The following ZFPM2 variants were observed in gnomAD, a reference collection of about 807,000 sequenced individuals.
ZFPM2 encodes the protein zinc finger protein, FOG family member 2, also known as zinc finger protein ZFPM2.
A neutral mutation model predicts 98.6 loss-of-function variants in ZFPM2; 20 were observed. The observed-to-expected ratio is 0.20, with a 90% CI of 0.14 to 0.29. The LOEUF (loss-of-function observed/expected upper bound fraction) is 0.29, where lower values mean the gene tolerates loss of function less well. ZFPM2 is among the 10% of genes least tolerant of loss of function. The pLI is 1.00. For missense variants in ZFPM2, 1,310 were observed against 1,388.6 expected (o/e 0.94, Z 0.90); for synonymous variants, 518 against 502.7 (o/e 1.03, Z -0.41).
intron 5 of ZFPM2, among the ~76,000 whole-genome samples, chr8:105,722,573 A>C (rs544336188): frequency 6.6e-6 from 1 of 152,044 alleles, no homozygotes; most frequent in South Asian, 2.1e-4. Context: ...ATATTCTTAC[A>C]GTAAGGTAAG....
chr8:105,712,218 C>A (rs1272495900), intron 5 of ZFPM2, among the ~76,000 whole-genome samples: 2 of 151,916 alleles, frequency 1.3e-5, no homozygotes, highest in Admixed American at 6.6e-5. Flanking sequence ...CATTATGCTA[C>A]TAGAGGAATG....
Position 105,632,929 on chromosome 8 carries a change from C to T in ZFPM2, c.421-1317C>T, listed in dbSNP as rs528634307. Reference sequence around the variant, plus strand: ...TTTTCAGACTTCTTTTTAAATCCATCATGGTTGATTTTTCCATTAAACAGT... The same window carrying T: ...TTTTCAGACTTCTTTTTAAATCCATTATGGTTGATTTTTCCATTAAACAGT... On this transcript the variant is annotated intron_variant, in intron 4 of 7. Coordinates refer to ENST00000407775, the MANE Select transcript of ZFPM2 (RefSeq NM_012082.4). Among the ~76,000 whole-genome samples, 7 of 152,038 alleles carry T rather than the reference C, an allele frequency of 4.6e-5. No homozygotes were observed. The South Asian group carries it at 6.2e-4, about 14-fold the overall frequency.
chr8:105,632,196 G>A (rs1162973559), intron 4 of ZFPM2, among the ~76,000 whole-genome samples: 3 of 152,032 alleles, frequency 2.0e-5, no homozygotes, highest in African/African-American at 4.8e-5. Context: ...TTGAGACAGA[G>A]TCTAGCCCTG....
In ZFPM2 at chr8:105,419,141, A is replaced by G; in HGVS notation, c.41-3A>G. 1 of 1,609,416 alleles carries G rather than the reference A, an allele frequency of 6.2e-7. No individual in the cohort carries two copies. Among genetic ancestry groups the G allele is most frequent in the Non-Finnish European group, 8.5e-7 (1 of 1,178,520 alleles). On this transcript the variant is annotated splice_region_variant and splice_polypyrimidine_tract_variant and intron_variant, in intron 1 of 7. Transcript: ENST00000407775. ...GGTACAGTTTCCCTGATTCTTTTTCAAGGGCCGCTTGAAGATGCCATTGAA... is the reference window on the plus strand; with the variant it reads ...GGTACAGTTTCCCTGATTCTTTTTCGAGGGCCGCTTGAAGATGCCATTGAA...
At chr8:105,781,431 T>C (rs530140305) in intron 5 of ZFPM2, among the ~76,000 whole-genome samples, 24 of 152,160 alleles carry the variant, frequency 1.6e-4, no homozygotes, top group Non-Finnish European at 3.5e-4. Context: ...ATGAGATAAC[T>C]TGGAGTCAGC....
At chr8:105,583,983 T>C (rs1815658129) in intron 4 of ZFPM2, among the ~76,000 whole-genome samples, 1 of 152,346 alleles carries the variant, frequency 6.6e-6, no homozygotes, top group African/African-American at 2.4e-5. Context: ...GGCAGGTTAA[T>C]CACTATTTTT....
At chr8:105,744,566 G>GT (rs1427962198) in intron 5 of ZFPM2, among the ~76,000 whole-genome samples, 2 of 152,072 alleles carry the variant, frequency 1.3e-5, no homozygotes, top group African/African-American at 4.8e-5. Context: ...GGAAAAATGA[G>GT]TTTTTTTAAT....
intron 1 of ZFPM2, among the ~76,000 whole-genome samples, chr8:105,393,898 T>C (rs958642694): frequency 4.7e-5 from 7 of 150,004 alleles, no homozygotes; most frequent in Non-Finnish European, 8.9e-5. Context: ...ATATTTCTTT[T>C]TTTTTTTTTT....
intron 4 of ZFPM2, among the ~76,000 whole-genome samples, chr8:105,574,126 A>T (rs1345049420): frequency 6.6e-6 from 1 of 152,184 alleles, no homozygotes; most frequent in Non-Finnish European, 1.5e-5. Context: ...CTCTCCCTAA[A>T]CATACTTTAA....
At chr8:105,786,081 G>C (rs1250555701) in intron 5 of ZFPM2, among the ~76,000 whole-genome samples, 2 of 148,086 alleles carry the variant, frequency 1.4e-5, no homozygotes, top group East Asian at 4.0e-4. Flanking sequence ...TTAGCCAAGA[G>C]TGATGTTCAC....
intron 1 of ZFPM2, among the ~76,000 whole-genome samples, chr8:105,356,582 A>T (rs762406150): frequency 6.6e-5 from 10 of 152,184 alleles, no homozygotes; most frequent in Non-Finnish European, 1.2e-4. Context: ...GATGCTGTGA[A>T]TATTGACCCT....
intron 3 of ZFPM2, among the ~76,000 whole-genome samples, chr8:105,504,308 A>G (rs2130482614): frequency 6.6e-6 from 1 of 152,224 alleles, no homozygotes; most frequent in East Asian, 1.9e-4. Flanking sequence ...AGCAGAGGAG[A>G]AGTGGAAGAG....
chr8:105,534,983 G>A (rs1456370402), intron 3 of ZFPM2, among the ~76,000 whole-genome samples: 2 of 151,986 alleles, frequency 1.3e-5, no homozygotes, highest in Non-Finnish European at 1.5e-5. Flanking sequence ...ACCATAAGAT[G>A]GCATTCTCCG....
intron 5 of ZFPM2, among the ~76,000 whole-genome samples, chr8:105,737,975 A>C (rs1812118105): frequency 7.1e-6 from 1 of 140,484 alleles, no homozygotes; most frequent in Non-Finnish European, 1.6e-5. Flanking sequence ...CAAGAACCTA[A>C]AAAGATGAGG....
rs544640517 is a variant in ZFPM2, at chr8:105,376,652, TG to T, written c.41-42489del. Among the ~76,000 whole-genome samples the T allele has an allele frequency of 3.9e-3, 593 of 152,310 alleles. 10 individuals carry two copies. The highest frequency in any genetic ancestry group is 1.9e-3 in the Non-Finnish European group (126 of 68,026). On this transcript the variant is annotated intron_variant, in intron 1 of 7. Coordinates refer to ENST00000407775, the MANE Select transcript of ZFPM2 (RefSeq NM_012082.4). Reference sequence around the variant, plus strand: ...ATCCAGTTTGTCTAAGTAAAAAAGCTGGGAGTTAGCATTTATTCTGGCTTTT... The same window carrying T: ...ATCCAGTTTGTCTAAGTAAAAAAGCTGGAGTTAGCATTTATTCTGGCTTTT...
intron 5 of ZFPM2, among the ~76,000 whole-genome samples, chr8:105,735,755 T>C (rs1812053454): frequency 1.3e-5 from 2 of 152,108 alleles, no homozygotes; most frequent in African/African-American, 4.8e-5. Context: ...GAAGTGTGAA[T>C]TTTAAGCTGT....
chr8:105,595,796 C>G (rs573315667), intron 4 of ZFPM2, among the ~76,000 whole-genome samples: 7 of 151,952 alleles, frequency 4.6e-5, no homozygotes, highest in Admixed American at 2.0e-4. Context: ...CTAAAATAAT[C>G]TCTTTTATTG....
At chr8:105,514,643 CT>C (rs1036777493) in intron 3 of ZFPM2, among the ~76,000 whole-genome samples, 1 of 152,136 alleles carries the variant, frequency 6.6e-6, no homozygotes, top group Non-Finnish European at 1.5e-5. Flanking sequence ...TCTCTCACCT[CT>C]TTTCTGAGCC....
At chr8:105,727,279 T>G (rs1811834218) in intron 5 of ZFPM2, among the ~76,000 whole-genome samples, 1 of 151,544 alleles carries the variant, frequency 6.6e-6, no homozygotes, top group African/African-American at 2.4e-5. Flanking sequence ...TGTAGGACTA[T>G]GATCATGCCG....
Sources: gnomAD v4.1 joint callset for allele counts (sites outside exome capture counted in the v4.1 genomes callset) on GRCh38, gnomAD v4.1.1 for gene constraint, MANE v1.5 for transcripts, NCBI Gene and HGNC (gene_info 2026-07-23, HGNC 2026-07-21) for gene names.